The following TENM4 variants were observed in gnomAD, a reference collection of about 807,000 sequenced individuals.
TENM4 encodes teneurin-4.
TENM4 carries 82 observed loss-of-function variants against 243.3 expected under a neutral mutation model. That is an observed-to-expected ratio of 0.34 (90% CI 0.28 to 0.40). The LOEUF is 0.40. Ranked by LOEUF, TENM4 falls within the 10% of genes least tolerant of loss-of-function variation. The pLI, the probability that TENM4 is intolerant of heterozygous loss-of-function variation, is 1.00. For synonymous variants in TENM4, 1,412 were observed against 1,456.3 expected (o/e 0.97, Z 0.69); for missense variants, 3,138 against 3,673.3 (o/e 0.85, Z 3.77).
chr11:79,330,118 C>A (rs1290987883), intron 1 of TENM4, among the ~76,000 whole-genome samples: 2 of 152,194 alleles, frequency 1.3e-5, no homozygotes, highest in Non-Finnish European at 2.9e-5. Context: ...TATAAACACT[C>A]TTACTGTGGC....
intron 4 of TENM4, among the ~76,000 whole-genome samples, chr11:79,072,477 C>T (rs1175172141): frequency 1.8e-5 from 1 of 54,444 alleles, no homozygotes; most frequent in Non-Finnish European, 4.0e-5. Context: ...AGAGTGAGAC[C>T]CTGTCTCAAA....
intron 15 of TENM4, among the ~76,000 whole-genome samples, chr11:78,798,705 T>C (rs1374850342): frequency 1.3e-5 from 2 of 152,090 alleles, no homozygotes; most frequent in Non-Finnish European, 2.9e-5. Context: ...TGATCATGCA[T>C]GCTCTCTACT....
intron 6 of TENM4, among the ~76,000 whole-genome samples, chr11:79,012,940 C>T (rs1392577821): frequency 6.6e-6 from 1 of 152,164 alleles, no homozygotes; most frequent in Non-Finnish European, 1.5e-5. Flanking sequence ...GACACTGAGG[C>T]TCCAGGGGAT....
chr11:78,800,269 G>A (rs1044360085), intron 15 of TENM4, among the ~76,000 whole-genome samples: 8 of 152,320 alleles, frequency 5.3e-5, no homozygotes, highest in Middle Eastern at 6.8e-3. Flanking sequence ...CCCACTTTAT[G>A]CAAAAGTTGA....
At chr11:79,359,510 T>G (rs866675112) in intron 1 of TENM4, among the ~76,000 whole-genome samples, 2 of 152,130 alleles carry the variant, frequency 1.3e-5, no homozygotes, top group African/African-American at 4.8e-5. Context: ...TGAAGCTGGG[T>G]GGTGAATACA....
In TENM4 at chr11:78,903,293, TG is replaced by T. The variant is rs1855976493; in HGVS notation, c.723del (p.Asn242ThrfsTer11). On this transcript the variant is annotated frameshift_variant, in exon 7 of 34. Transcript: ENST00000278550. LOFTEE classifies it high-confidence loss of function. ...EPAHAQENWL[L>X]NSNIPLETRN... ...CTGGTCTCCAGGGGGATGTTGCTGT[TG>T]AGCAGCCAGTTCTCCTGGGCGTGGG... 6.7e-7 allele frequency: 1 copy of T among 1,489,220 alleles called. No individual in the cohort carries two copies. The highest frequency in any genetic ancestry group is 1.5e-5 in the African/African-American group (1 of 67,872). 92.3% of individuals were successfully genotyped at this position (1,489,220 alleles called of 1,614,324 possible). A position where few individuals can be genotyped will look rare whatever the true frequency, so the allele number is the denominator to read the frequency against.
intron 4 of TENM4, among the ~76,000 whole-genome samples, chr11:79,125,217 C>G (rs1861849334): frequency 6.6e-6 from 1 of 152,092 alleles, no homozygotes; most frequent in Admixed American, 6.5e-5. Flanking sequence ...TTTAGTGACT[C>G]TATACCTAAT....
chr11:79,138,438 T>A (rs1284512201), intron 4 of TENM4, among the ~76,000 whole-genome samples: 1 of 115,452 alleles, frequency 8.7e-6, no homozygotes, highest in Non-Finnish European at 1.6e-5. Context: ...TATAAATATA[T>A]ATTATATTTA....
chr11:78,851,927 CT>C (rs1858549358), intron 12 of TENM4, among the ~76,000 whole-genome samples: 1 of 152,196 alleles, frequency 6.6e-6, no homozygotes, highest in Admixed American at 6.5e-5. Flanking sequence ...CAAGTTTGTG[CT>C]GGAGACTGAA....
chr11:79,094,134 A>G (rs1299632677), intron 4 of TENM4, among the ~76,000 whole-genome samples: 1 of 152,188 alleles, frequency 6.6e-6, no homozygotes, highest in Non-Finnish European at 1.5e-5. Context: ...ATAATCAGAA[A>G]ATAACTCACA....
chr11:78,924,992 G>A (rs1856523870), intron 6 of TENM4, among the ~76,000 whole-genome samples: 1 of 152,106 alleles, frequency 6.6e-6, no homozygotes, highest in Non-Finnish European at 1.5e-5. Context: ...AGGCTGAGAG[G>A]GCAAAGCTGT....
chr11:79,411,014 C>A (rs996427557), intron 1 of TENM4, among the ~76,000 whole-genome samples: 5 of 152,122 alleles, frequency 3.3e-5, no homozygotes, highest in African/African-American at 1.2e-4. Context: ...CATTACAGGG[C>A]CAGCACCCAT....
At chr11:78,704,159 C>G (rs28643285) in intron 27 of TENM4, among the ~76,000 whole-genome samples, 85 of 105,978 alleles carry the variant, frequency 8.0e-4, no homozygotes, top group African/African-American at 2.9e-3. Context: ...GTATGTGTGT[C>G]TATATATATA....
chr11:78,903,216 G>A lies in TENM4; in HGVS notation c.749+52C>T, dbSNP rs1040347634. 12 of 1,463,698 alleles carry A rather than the reference G, an allele frequency of 8.2e-6. No homozygotes were observed. The African/African-American group carries it at 1.1e-4, about 13-fold the overall frequency. 90.7% of individuals were successfully genotyped at this position (1,463,698 alleles called of 1,614,324 possible). A position where few individuals can be genotyped will look rare whatever the true frequency, so the allele number is the denominator to read the frequency against. ...CCCCGCCAGCCAAAGACCTTGGTCCGGGCCCCGGGTGCCCACCCTCCTCAG... is the reference window on the plus strand; with the variant it reads ...CCCCGCCAGCCAAAGACCTTGGTCCAGGCCCCGGGTGCCCACCCTCCTCAG... On this transcript the variant is annotated intron_variant, in intron 7 of 33. Coordinates refer to ENST00000278550, the MANE Select transcript of TENM4 (RefSeq NM_001098816.3).
intron 6 of TENM4, among the ~76,000 whole-genome samples, chr11:79,016,235 C>G (rs1455578277): frequency 2.0e-5 from 3 of 152,014 alleles, no homozygotes; most frequent in Non-Finnish European, 4.4e-5. Flanking sequence ...ACTGGGTATC[C>G]CAGCAGCTCA....
intron 2 of TENM4, among the ~76,000 whole-genome samples, chr11:79,288,453 G>GA (rs1415344521): frequency 1.3e-5 from 2 of 152,204 alleles, no homozygotes; most frequent in Non-Finnish European, 2.9e-5. Flanking sequence ...CTGTGGGATT[G>GA]AAAATCAAAC....
At chr11:78,725,553 C>T (rs544222294) in intron 23 of TENM4, among the ~76,000 whole-genome samples, 2 of 152,310 alleles carry the variant, frequency 1.3e-5, no homozygotes, top group Non-Finnish European at 2.9e-5. Context: ...TTTTGCTGTT[C>T]CCTTCATGTC....
Position 78,722,860 on chromosome 11 carries a change from A to G in TENM4, c.3608T>C (p.Ile1203Thr), listed in dbSNP as rs565805963. The G allele has an allele frequency of 1.5e-5, 24 of 1,614,038 alleles. No homozygotes were observed. The South Asian group carries it at 2.2e-4, about 15-fold the overall frequency. ...NQFVSQQPPV[I>T]GSIMGNGRRR... ...GCGCCCATTGCCCATGATGCTCCCA[A>G]TGACAGGAGGCTGCTGAGACACAAA... Residue 1203 changes from isoleucine to threonine, a missense_variant, in exon 24 of 34, where the codon ATT becomes ACT. Coordinates refer to ENST00000278550, the MANE Select transcript of TENM4 (RefSeq NM_001098816.3).
intron 7 of TENM4, among the ~76,000 whole-genome samples, chr11:78,898,537 G>A (rs1443057803): frequency 6.6e-6 from 1 of 152,152 alleles, no homozygotes; most frequent in East Asian, 1.9e-4. Context: ...CTAGGCCTCT[G>A]CTCAGACTGT....
Sources: gnomAD v4.1 joint callset for allele counts (sites outside exome capture counted in the v4.1 genomes callset) on GRCh38, gnomAD v4.1.1 for gene constraint, MANE v1.5 for transcripts, NCBI Gene and HGNC (gene_info 2026-07-23, HGNC 2026-07-21) for gene names.